SPATA17: variants seen among roughly 807,000 people sequenced by gnomAD.
SPATA17 encodes the protein spermatogenesis associated 17, also known as spermatogenesis-associated protein 17.
A neutral mutation model predicts 62.2 loss-of-function variants in SPATA17; 53 were observed. The ratio of observed to expected loss-of-function variants is 0.85; its 90% CI spans 0.68 to 1.07. The LOEUF is 1.07. Among genes scored for constraint, SPATA17 ranks in the 50% least tolerant of loss-of-function variants. The probability of loss-of-function intolerance (pLI) is 0.00; values close to 1 mark genes in which losing one functional copy is unlikely to be tolerated. For synonymous variants in SPATA17, 146 were observed against 146.8 expected, an observed-to-expected ratio of 0.99 and a Z score of 0.04; for missense variants, 466 against 425.5, an observed-to-expected ratio of 1.10 and a Z score of -0.84.
At chr1:217,709,978 G>A (rs549535545) in intron 5 of SPATA17, among the ~76,000 whole-genome samples, 5 of 152,158 alleles carry the variant, frequency 3.3e-5, no homozygotes, top group Admixed American at 6.5e-5. Context: ...CTATCTTTGG[G>A]GGTTAAATCA....
chr1:217,685,537 T>C (rs979778197), intron 5 of SPATA17, among the ~76,000 whole-genome samples: 1 of 152,196 alleles, frequency 6.6e-6, no homozygotes, highest in African/African-American at 2.4e-5. Flanking sequence ...GGAATGGAAG[T>C]TGACTTTAAC....
intron 6 of SPATA17, among the ~76,000 whole-genome samples, chr1:217,749,777 G>A (rs577758521): frequency 3.0e-3 from 456 of 151,472 alleles, no homozygotes; most frequent in Non-Finnish European, 5.0e-3. Flanking sequence ...AGCCTCCAAA[G>A]ATTCCCTGTT....
At position 217,651,157 on chromosome 1, in the gene SPATA17, G is replaced by A; in HGVS notation, c.219G>A (p.Lys73=). The A allele has an allele frequency of 6.2e-7, 1 of 1,609,662 alleles. No homozygotes were observed. The highest frequency in any genetic ancestry group is 8.5e-7 in the Non-Finnish European group (1 of 1,178,374). The change falls in exon 3 of 11, where the codon AAG becomes AAA. Residue 73 remains lysine (K), a synonymous_variant. Coordinates refer to ENST00000366933, the MANE Select transcript of SPATA17 (RefSeq NM_138796.4). The part of the protein sequence containing the change: ...QKWWRSFLGR[K]QYQLTVQVAY... ...GGTGGAGAAGTTTCTTAGGCAGAAA[G>A]CAATATCAACTAACTGTGCAGGTAA... is the stretch of plus-strand genomic sequence containing the variant.
At chr1:217,664,826 G>A (rs1403785921) in intron 3 of SPATA17, among the ~76,000 whole-genome samples, 1 of 152,118 alleles carries the variant, frequency 6.6e-6, no homozygotes, top group Non-Finnish European at 1.5e-5. Flanking sequence ...GAGAATGCTA[G>A]CTTCTTATTC....
intron 5 of SPATA17, among the ~76,000 whole-genome samples, chr1:217,725,765 A>G (rs1419497362): frequency 2.6e-5 from 4 of 152,090 alleles, no homozygotes; most frequent in Admixed American, 2.0e-4. Context: ...GCCCAGCCCC[A>G]GATTATGTTT....
At chr1:217,699,813 T>C (rs1168104357) in intron 5 of SPATA17, among the ~76,000 whole-genome samples, 1 of 152,188 alleles carries the variant, frequency 6.6e-6, no homozygotes, top group Non-Finnish European at 1.5e-5. Flanking sequence ...TCTCCTTTTT[T>C]TTCTAAAAGT....
intron 8 of SPATA17, among the ~76,000 whole-genome samples, chr1:217,790,285 T>C (rs1036478564): frequency 1.3e-4 from 20 of 152,036 alleles, no homozygotes; most frequent in African/African-American, 4.8e-4. Flanking sequence ...AATAAATAGC[T>C]CTAGAACAAG....
chr1:217,741,014 G>A (rs1489009668), intron 5 of SPATA17, among the ~76,000 whole-genome samples: 1 of 152,166 alleles, frequency 6.6e-6, no homozygotes, highest in Non-Finnish European at 1.5e-5. Context: ...TCTAGACATT[G>A]AAGTAGAAAG....
intron 5 of SPATA17, among the ~76,000 whole-genome samples, chr1:217,732,873 A>T (rs1328008415): frequency 6.6e-6 from 1 of 152,204 alleles, no homozygotes; most frequent in African/African-American, 2.4e-5. Flanking sequence ...CATCACGCAT[A>T]TATAAAATTT....
intron 7 of SPATA17, among the ~76,000 whole-genome samples, chr1:217,777,188 A>C (rs1186797630): frequency 6.6e-6 from 1 of 151,996 alleles, no homozygotes; most frequent in Non-Finnish European, 1.5e-5. Context: ...TTGTGTTTCC[A>C]TTCTCTATAA....
intron 6 of SPATA17, among the ~76,000 whole-genome samples, chr1:217,748,613 C>T (rs1009455864): frequency 6.6e-6 from 1 of 151,250 alleles, no homozygotes; most frequent in Non-Finnish European, 1.5e-5. Flanking sequence ...GATGTGGTGG[C>T]GGGCGCCTGT....
rs889168781 is a variant in SPATA17, at chr1:217,867,539, G to A, written c.*520G>A. ...ACAACAGACACAGACTAGTGGGTGT[G>A]GGAGCAGAAGCATAGGCACTCTCAA... is the stretch of plus-strand genomic sequence containing the variant. On this transcript the variant is annotated 3_prime_UTR_variant, in exon 11 of 11. Transcript: ENST00000366933. 1 of 152,202 alleles carries A rather than the reference G, an allele frequency of 6.6e-6. No individual in the cohort carries two copies. The highest frequency in any genetic ancestry group is 2.4e-5 in the African/African-American group (1 of 41,448). The allele number at this position is 152,202 out of a possible 1,614,324, so 9.4% of individuals were successfully genotyped here.
chr1:217,636,006 G>A (rs747541336), intron 1 of SPATA17, among the ~76,000 whole-genome samples: 5 of 150,022 alleles, frequency 3.3e-5, no homozygotes, highest in East Asian at 2.0e-4. Context: ...GGTGGTGGGC[G>A]CCTTTAATCC....
intron 5 of SPATA17, among the ~76,000 whole-genome samples, chr1:217,730,162 A>G (rs543529114): frequency 9.2e-5 from 14 of 152,310 alleles, no homozygotes; most frequent in South Asian, 6.2e-4. Context: ...AATTTTACAT[A>G]TAAGTCCTCA....
chr1:217,660,579 G>C (rs182750561), intron 3 of SPATA17, among the ~76,000 whole-genome samples: 1 of 152,144 alleles, frequency 6.6e-6, no homozygotes, highest in Admixed American at 6.5e-5. Flanking sequence ...TCATCCCACC[G>C]ATGTGGGGCT....
chr1:217,641,986 G>T (rs1057126399), intron 1 of SPATA17, among the ~76,000 whole-genome samples: 15 of 152,054 alleles, frequency 9.9e-5, no homozygotes, highest in Non-Finnish European at 1.3e-4. Flanking sequence ...TGACACTTTT[G>T]AAGATTACAA....
At chr1:217,752,110 C>A (rs1468777487) in intron 6 of SPATA17, among the ~76,000 whole-genome samples, 1 of 152,150 alleles carries the variant, frequency 6.6e-6, no homozygotes, top group Non-Finnish European at 1.5e-5. Context: ...GTGATCATAG[C>A]TTGAATTTGT....
Position 217,765,591 on chromosome 1 carries a change from T to C in SPATA17, c.520-8743T>C, listed in dbSNP as rs746008639. 6.6e-4 allele frequency among the ~76,000 whole-genome samples: 100 copies of C among 152,142 alleles called. 1 individual carries two copies. Among genetic ancestry groups the C allele is most frequent in the Non-Finnish European group, 1.0e-3 (69 of 67,914 alleles). ...TCTCCAGTTTTCTTTCTGTTATTGA[T>C]TTCTAGTTTAATTACACTGTGGTCT... On this transcript the variant is annotated intron_variant, in intron 6 of 10. Transcript: ENST00000366933.
chr1:217,658,765 C>T (rs1558554902), intron 3 of SPATA17, among the ~76,000 whole-genome samples: 1 of 151,880 alleles, frequency 6.6e-6, no homozygotes, highest in Non-Finnish European at 1.5e-5. Flanking sequence ...CTCAAAAAAT[C>T]ATAATAATAA....
Sources: gnomAD v4.1 joint callset for allele counts (sites outside exome capture counted in the v4.1 genomes callset) on GRCh38, gnomAD v4.1.1 for gene constraint, MANE v1.5 for transcripts, NCBI Gene and HGNC (gene_info 2026-07-23, HGNC 2026-07-21) for gene names.